The following GALNT13 variants were observed in gnomAD, a reference collection of about 807,000 sequenced individuals.
The protein encoded by GALNT13 is polypeptide N-acetylgalactosaminyltransferase 13, also known as UDP-GalNAc:polypeptide N-acetylgalactosaminyltransferase 13.
In GALNT13, 28 loss-of-function variants were observed where a neutral mutation model predicts 64.2. The ratio of observed to expected loss-of-function variants is 0.44; its 90% CI spans 0.32 to 0.60. The LOEUF (loss-of-function observed/expected upper bound fraction) is 0.60, where lower values mean the gene tolerates loss of function less well. GALNT13 is among the 20% of genes least tolerant of loss of function. The probability of loss-of-function intolerance (pLI) is 0.05; values close to 1 mark genes in which losing one functional copy is unlikely to be tolerated. For missense variants in GALNT13, 577 were observed against 669.8 expected (o/e 0.86, Z 1.53); for synonymous variants, 214 against 224.6 (o/e 0.95, Z 0.42).
At chr2:153,104,661 CTG>C in the GALNT13 span, among the ~76,000 whole-genome samples, 1 of 152,056 alleles carries the variant, frequency 6.6e-6, no homozygotes, top group African/African-American at 2.4e-5. Context: ...ATTCCAAAGT[CTG>C]AAGTATTTCC....
chr2:153,356,119 A>G, the GALNT13 span, among the ~76,000 whole-genome samples: 2 of 152,228 alleles, frequency 1.3e-5, no homozygotes, highest in Non-Finnish European at 2.9e-5. Flanking sequence ...AAGTGTAGTA[A>G]CACAATATAT....
chr2:153,816,918 G>C, the GALNT13 span, among the ~76,000 whole-genome samples: 1 of 152,164 alleles, frequency 6.6e-6, no homozygotes, highest in Non-Finnish European at 1.5e-5. Flanking sequence ...GCAGAGGAGA[G>C]ATGTTCACTG....
the GALNT13 span, among the ~76,000 whole-genome samples, chr2:153,240,205 CT>C: frequency 6.6e-6 from 1 of 152,026 alleles, no homozygotes; most frequent in African/African-American, 2.4e-5. Flanking sequence ...GATCTTCTCT[CT>C]TTTTTTCTTA....
chr2:153,836,044 A>C, the GALNT13 span, among the ~76,000 whole-genome samples: 6 of 152,188 alleles, frequency 3.9e-5, no homozygotes, highest in Admixed American at 1.3e-4. Context: ...TTAAGATAAA[A>C]TAATTTTAGG....
intron 4 of GALNT13, among the ~76,000 whole-genome samples, chr2:154,231,711 T>A (rs1688924422): frequency 6.7e-6 from 1 of 149,182 alleles, no homozygotes; most frequent in South Asian, 2.2e-4. Context: ...AGTGTTGAAT[T>A]CACTGGGCCA....
intron 4 of GALNT13, among the ~76,000 whole-genome samples, chr2:154,198,357 T>A (rs114727039): frequency 0.019 from 2,918 of 152,076 alleles, 38 homozygotes; most frequent in Non-Finnish European, 0.029. Context: ...TTGTTTTTTG[T>A]TTTGTTTTGT....
At chr2:153,092,643 G>C in the GALNT13 span, among the ~76,000 whole-genome samples, 3 of 152,128 alleles carry the variant, frequency 2.0e-5, no homozygotes, top group African/African-American at 7.2e-5. Context: ...GTTATTCACT[G>C]TTGGCATATA....
At chr2:154,252,724 AAGATAGATAGATAGATAGATAGATAGAT>A (rs70983713) in intron 7 of GALNT13, among the ~76,000 whole-genome samples, 10 of 146,850 alleles carry the variant, frequency 6.8e-5, no homozygotes, top group East Asian at 6.1e-4. Context: ...CGAATGGAAA[AAGATAGATAGATAGATAGATAGATAGAT>A]AGATAGATAG....
At chr2:153,742,477 A>G in the GALNT13 span, among the ~76,000 whole-genome samples, 4 of 152,156 alleles carry the variant, frequency 2.6e-5, no homozygotes, top group South Asian at 8.3e-4. Context: ...TACAATGCAT[A>G]TACATAGAAT....
At chr2:153,778,057 C>T in the GALNT13 span, among the ~76,000 whole-genome samples, 1 of 152,186 alleles carries the variant, frequency 6.6e-6, no homozygotes, top group Non-Finnish European at 1.5e-5. Context: ...CCAAGCTCTC[C>T]TCCAACTGCC....
At chr2:154,011,990 G>A (rs1696670690) in intron 3 of GALNT13, among the ~76,000 whole-genome samples, 1 of 152,108 alleles carries the variant, frequency 6.6e-6, no homozygotes. Flanking sequence ...AGACAGTACT[G>A]TATAGTTGGG....
chr2:153,539,541 C>T, the GALNT13 span, among the ~76,000 whole-genome samples: 6 of 151,898 alleles, frequency 4.0e-5, no homozygotes, highest in African/African-American at 1.5e-4. Flanking sequence ...ACGTTTAAGT[C>T]TTTAATCCAT....
intron 3 of GALNT13, among the ~76,000 whole-genome samples, chr2:154,096,965 C>T (rs1321470171): frequency 6.6e-6 from 1 of 151,158 alleles, no homozygotes; most frequent in East Asian, 2.0e-4. Context: ...AGAAAAAATT[C>T]CACATCATCA....
chr2:153,270,780 A>T, the GALNT13 span, among the ~76,000 whole-genome samples: 1 of 152,108 alleles, frequency 6.6e-6, no homozygotes, highest in African/African-American at 2.4e-5. Flanking sequence ...TGAACTTGGG[A>T]GGTCGAGGCT....
the GALNT13 span, among the ~76,000 whole-genome samples, chr2:153,831,302 T>C: frequency 4.0e-4 from 61 of 152,226 alleles, no homozygotes; most frequent in African/African-American, 1.3e-3. Flanking sequence ...ATGCTGGAGG[T>C]AGGGCTCTGA....
the GALNT13 span, among the ~76,000 whole-genome samples, chr2:153,857,552 T>C: frequency 0.82 from 124,154 of 151,630 alleles, 52,052 homozygotes; most frequent in Non-Finnish European, 0.9. Flanking sequence ...TCATTTCTGC[T>C]TTAACCACTT....
chr2:153,257,415 G>T, the GALNT13 span, among the ~76,000 whole-genome samples: 1 of 152,050 alleles, frequency 6.6e-6, no homozygotes. Flanking sequence ...CCCGTCTTCT[G>T]CGTGGCTCAC....
At chr2:153,668,778 G>A in the GALNT13 span, among the ~76,000 whole-genome samples, 1 of 152,116 alleles carries the variant, frequency 6.6e-6, no homozygotes, top group Non-Finnish European at 1.5e-5. Flanking sequence ...CCACACACTT[G>A]AGATGGCAAG....
At chr2:153,406,595 A>G in the GALNT13 span, among the ~76,000 whole-genome samples, 1 of 152,096 alleles carries the variant, frequency 6.6e-6, no homozygotes, top group African/African-American at 2.4e-5. Context: ...TTTGATAGAA[A>G]GGGGGTTTTG....
Sources: allele counts gnomAD v4.1 joint callset (sites outside exome capture counted in the v4.1 genomes callset), GRCh38; gene constraint gnomAD v4.1.1; transcripts MANE v1.5; gene names NCBI Gene and HGNC (gene_info 2026-07-23, HGNC 2026-07-21).